The following EYS variants were observed in gnomAD, a reference collection of about 807,000 sequenced individuals.
EYS encodes the protein EGF-like photoreceptor maintenance factor, also known as protein eyes shut homolog.
A neutral mutation model predicts 282.1 loss-of-function variants in EYS; 250 were observed. The ratio of observed to expected loss-of-function variants is 0.89; its 90% CI spans 0.80 to 0.98. The LOEUF (loss-of-function observed/expected upper bound fraction) is 0.98. EYS is among the 50% of genes least tolerant of loss of function. The pLI, the probability that EYS is intolerant of heterozygous loss-of-function variation, is 0.00. For missense variants in EYS, 4,016 were observed against 3,709.0 expected (o/e 1.08, Z -2.15); for synonymous variants, 1,355 against 1,282.9 (o/e 1.06, Z -1.20).
chr6:65,330,665 ACAT>A (rs1339581707), intron 11 of EYS: 14 of 934,816 alleles, frequency 1.5e-5, no homozygotes, highest in Non-Finnish European at 1.7e-5. Context: ...GTGTCCGTTA[ACAT>A]CATCAACATT....
rs1562116678 is a variant in EYS at position 65,353,516 on chromosome 6, A to G, written c.1401T>C (p.Gly467=). ...HLCYCGVTFH[G]ICQDKGPAQF... is the part of the protein sequence containing the mutation. ...GAGCAGGACCTTTATCTTGGCAAAT[A>G]CCATGGAAGGTGACTCCACAGTAGC... Residue 467 remains glycine, a synonymous_variant, in exon 9 of 43, where the codon GGT becomes GGC. Transcript: ENST00000503581. 27 of 1,613,294 alleles carry G rather than the reference A, an allele frequency of 1.7e-5. No homozygotes were observed. Among genetic ancestry groups the G allele is most frequent in the Non-Finnish European group, 2.3e-5 (27 of 1,179,498 alleles).
intron 12 of EYS, among the ~76,000 whole-genome samples, chr6:65,199,957 T>A (rs1300306915): frequency 1.3e-5 from 2 of 151,878 alleles, no homozygotes; most frequent in Non-Finnish European, 2.9e-5. Context: ...CATGGATGAG[T>A]ATAAACAGAT....
intron 29 of EYS, among the ~76,000 whole-genome samples, chr6:64,342,673 G>C (rs1193844037): frequency 2.6e-5 from 4 of 151,788 alleles, no homozygotes; most frequent in African/African-American, 4.8e-5. Context: ...AGCAAAATAA[G>C]CAGCTAACAT....
intron 11 of EYS, among the ~76,000 whole-genome samples, chr6:65,310,578 A>T (rs1246260920): frequency 1.3e-5 from 2 of 152,080 alleles, no homozygotes; most frequent in African/African-American, 2.4e-5. Context: ...TCAAGGCTCC[A>T]TGTGACCTTG....
At chr6:65,600,378 C>T (rs1182101572) in intron 2 of EYS, among the ~76,000 whole-genome samples, 1 of 152,030 alleles carries the variant, frequency 6.6e-6, no homozygotes, top group Non-Finnish European at 1.5e-5. Flanking sequence ...CAAGAGTTTT[C>T]TCCTCATTGT....
intron 19 of EYS, among the ~76,000 whole-genome samples, chr6:64,871,058 G>T (rs1766579964): frequency 6.6e-6 from 1 of 151,766 alleles, no homozygotes; most frequent in African/African-American, 2.4e-5. Context: ...ACATTCAACT[G>T]AGTAAAGTCA....
At chr6:64,964,761 G>GT (rs1339984517) in intron 14 of EYS, among the ~76,000 whole-genome samples, 3 of 152,148 alleles carry the variant, frequency 2.0e-5, no homozygotes, top group Non-Finnish European at 4.4e-5. Context: ...GCTGGGTGCA[G>GT]TTGCTCACAC....
intron 31 of EYS, among the ~76,000 whole-genome samples, chr6:64,126,863 A>G (rs886123897): frequency 6.6e-6 from 1 of 151,994 alleles, no homozygotes; most frequent in African/African-American, 2.4e-5. Context: ...ATCTATATAC[A>G]TACATATATG....
chr6:65,115,315 T>C (rs1391268705), intron 12 of EYS, among the ~76,000 whole-genome samples: 2 of 152,132 alleles, frequency 1.3e-5, no homozygotes, highest in Non-Finnish European at 2.9e-5. Context: ...CTAATGTATA[T>C]GTGCCTATCC....
At chr6:63,818,609 C>T (rs940627286) in intron 36 of EYS, among the ~76,000 whole-genome samples, 1 of 152,172 alleles carries the variant, frequency 6.6e-6, no homozygotes, top group Non-Finnish European at 1.5e-5. Flanking sequence ...TTAAGAAATG[C>T]TGTCTTAAAC....
chr6:64,655,889 TC>T (rs1341646429), intron 22 of EYS, among the ~76,000 whole-genome samples: 1 of 152,158 alleles, frequency 6.6e-6, no homozygotes, highest in African/African-American at 2.4e-5. Context: ...TAGCATTGTT[TC>T]TTAACTGTTT....
intron 19 of EYS, among the ~76,000 whole-genome samples, chr6:64,867,309 C>T (rs1276593193): frequency 6.6e-6 from 1 of 151,708 alleles, no homozygotes; most frequent in Non-Finnish European, 1.5e-5. Flanking sequence ...AAATCCTCTA[C>T]CATCTTTTTC....
At chr6:64,738,458 A>T (rs1370999660) in intron 22 of EYS, among the ~76,000 whole-genome samples, 1 of 152,210 alleles carries the variant, frequency 6.6e-6, no homozygotes, top group African/African-American at 2.4e-5. Context: ...CAGAACTGTG[A>T]GCCAAATAAA....
rs528871455 is a variant in EYS, at chr6:65,599,104, C to CA, written c.-333+40673dup. On this transcript the variant is annotated intron_variant, in intron 2 of 42. Coordinates refer to ENST00000503581, the MANE Select transcript of EYS (RefSeq NM_001142800.2). ...CAGTCAGCCTTGTGGAAATCATGGA[C>CA]AAAAAATGTTGGCCTTCCATATATG... 2.2e-3 allele frequency among the ~76,000 whole-genome samples: 337 copies of CA among 152,078 alleles called. 3 individuals are homozygous for CA. The highest frequency in any genetic ancestry group is 0.011 in the South Asian group (55 of 4,818).
chr6:64,291,965 A>G lies in EYS; in HGVS notation c.6191+15005T>C, dbSNP rs146557812. On this transcript the variant is annotated intron_variant, in intron 30 of 42. Transcript: ENST00000503581. ...ACATTGTGCTAAGTGCATGGCTTAT[A>G]CACAATATCATTTATTCCTTATATC... Among the ~76,000 whole-genome samples, 10 of 152,288 alleles carry G rather than the reference A, an allele frequency of 6.6e-5. No homozygotes were observed. In the East Asian group the frequency reaches 1.5e-3, roughly 23 times the overall value.
At chr6:63,758,061 G>A (rs1000692548) in intron 41 of EYS, among the ~76,000 whole-genome samples, 3 of 151,944 alleles carry the variant, frequency 2.0e-5, no homozygotes, top group African/African-American at 4.8e-5. Context: ...GAACACACCT[G>A]GCTAATTATT....
In EYS at chr6:64,024,669, C is replaced by G. The variant is rs1356942034; in HGVS notation, c.6726-25486G>C. ...CACTGTGAAGGTCTGCAGCTTCACC[C>G]CTGAAGCTAGCGAGACCACGAACTC... On this transcript the variant is annotated intron_variant, in intron 33 of 42. Coordinates refer to ENST00000503581, the MANE Select transcript of EYS (RefSeq NM_001142800.2). Among the ~76,000 whole-genome samples, 3 of 152,154 alleles carry G rather than the reference C, an allele frequency of 2.0e-5. No homozygotes were observed. In the East Asian group the frequency reaches 5.8e-4, roughly 29 times the overall value.
At chr6:64,607,404 T>G (rs1766969004) in intron 24 of EYS, among the ~76,000 whole-genome samples, 1 of 152,038 alleles carries the variant, frequency 6.6e-6, no homozygotes, top group African/African-American at 2.4e-5. Context: ...TTCTCATAGA[T>G]CAGGAGGCTG....
chr6:64,424,333 C>T (rs1774332662), intron 28 of EYS, among the ~76,000 whole-genome samples: 1 of 152,142 alleles, frequency 6.6e-6, no homozygotes, highest in Non-Finnish European at 1.5e-5. Flanking sequence ...AAGGAGGACT[C>T]ATTTAAAACA....
Sources: allele counts gnomAD v4.1 joint callset (sites outside exome capture counted in the v4.1 genomes callset), GRCh38; gene constraint gnomAD v4.1.1; transcripts MANE v1.5; gene names NCBI Gene and HGNC (gene_info 2026-07-23, HGNC 2026-07-21).